The following DLG2 variants were observed in gnomAD, a reference collection of about 807,000 sequenced individuals.
The protein encoded by DLG2 is discs large MAGUK scaffold protein 2.
In DLG2, 45 loss-of-function variants were observed where a neutral mutation model predicts 132.5. That is an observed-to-expected ratio of 0.34 (90% confidence interval 0.27 to 0.44). The LOEUF (loss-of-function observed/expected upper bound fraction) is 0.44. Among genes scored for constraint, DLG2 ranks in the 20% least tolerant of loss-of-function variants. The probability of loss-of-function intolerance (pLI) is 1.00; values close to 1 mark genes in which losing one functional copy is unlikely to be tolerated. For synonymous variants in DLG2, 424 were observed against 419.6 expected (o/e 1.01, Z -0.13); for missense variants, 1,045 against 1,196.9 (o/e 0.87, Z 1.87).
chr11:83,989,966 C>T (rs769522585), intron 11 of DLG2, among the ~76,000 whole-genome samples: 5 of 152,126 alleles, frequency 3.3e-5, no homozygotes, highest in Non-Finnish European at 5.9e-5. Context: ...TGGACCATCA[C>T]ATGATGACAA....
At chr11:84,811,057 G>C (rs1478006426) in intron 6 of DLG2, among the ~76,000 whole-genome samples, 1 of 152,014 alleles carries the variant, frequency 6.6e-6, no homozygotes, top group Non-Finnish European at 1.5e-5. Flanking sequence ...ATTACCATTG[G>C]GGGAAACAGG....
At chr11:84,800,851 C>T (rs975268998) in intron 6 of DLG2, 2 of 152,100 alleles carry the variant, frequency 1.3e-5, no homozygotes, top group Non-Finnish European at 2.9e-5. Flanking sequence ...TACAGTTTTA[C>T]AAGTTTAATG....
chr11:84,100,531 G>A (rs755676872), intron 9 of DLG2, among the ~76,000 whole-genome samples: 44 of 151,612 alleles, frequency 2.9e-4, no homozygotes, highest in Non-Finnish European at 5.6e-4. Context: ...TGTATAGCTA[G>A]GCAGTCTTTA....
intron 18 of DLG2, among the ~76,000 whole-genome samples, chr11:83,668,447 T>C (rs1417643816): frequency 6.6e-6 from 1 of 152,178 alleles, no homozygotes; most frequent in Non-Finnish European, 1.5e-5. Context: ...GGGATAGCCT[T>C]GGTTCTTTAA....
chr11:85,439,313 T>C (rs2091653021), intron 3 of DLG2, among the ~76,000 whole-genome samples: 2 of 152,118 alleles, frequency 1.3e-5, no homozygotes, highest in African/African-American at 4.8e-5. Flanking sequence ...CCAGGTGAAC[T>C]TAGGCAAGCT....
At chr11:84,477,366 A>T (rs1259727950) in intron 7 of DLG2, among the ~76,000 whole-genome samples, 1 of 151,962 alleles carries the variant, frequency 6.6e-6, no homozygotes, top group Non-Finnish European at 1.5e-5. Context: ...ATGGTGGTAC[A>T]TGCCTGTAAT....
At chr11:84,211,763 A>G (rs1489255196) in intron 8 of DLG2, among the ~76,000 whole-genome samples, 1 of 152,234 alleles carries the variant, frequency 6.6e-6, no homozygotes, top group Non-Finnish European at 1.5e-5. Context: ...CTCAGTCTAT[A>G]GGATCAGATT....
chr11:83,726,947 T>C (rs78314428), intron 18 of DLG2, among the ~76,000 whole-genome samples: 11,680 of 152,166 alleles, frequency 0.077, 1,546 homozygotes, highest in African/African-American at 0.26. Context: ...GTCTTACCTC[T>C]TCCCAATCAC....
In DLG2 at chr11:85,020,739, G is replaced by T. The variant is rs992909642; in HGVS notation, c.357+90922C>A. 7.8e-6 allele frequency: 5 copies of T among 638,134 alleles called. No individual in the cohort carries two copies. The African/African-American group carries it at 9.0e-5, about 11-fold the overall frequency. The allele number at this position is 638,134 out of a possible 1,614,324, so 39.5% of individuals were successfully genotyped here. On this transcript the variant is annotated intron_variant, in intron 6 of 27. Coordinates refer to ENST00000376104, the MANE Select transcript of DLG2 (RefSeq NM_001142699.3). ...AGCCATATGTGGAAAGCTGAAACTGGATAATGGGATAAGATTTCTAAACCC... is the reference window on the plus strand; with the variant it reads ...AGCCATATGTGGAAAGCTGAAACTGTATAATGGGATAAGATTTCTAAACCC...
chr11:84,877,690 C>T (rs991317026), intron 6 of DLG2, among the ~76,000 whole-genome samples: 13 of 151,624 alleles, frequency 8.6e-5, no homozygotes, highest in Non-Finnish European at 1.6e-4. Context: ...GCATTTAGCC[C>T]GTTTATATTT....
chr11:85,355,083 G>T (rs569548513), intron 3 of DLG2, among the ~76,000 whole-genome samples: 1 of 151,904 alleles, frequency 6.6e-6, no homozygotes. Context: ...TAATAAATCA[G>T]GCTTTAATGT....
At chr11:85,228,028 C>T (rs1016627303) in intron 4 of DLG2, among the ~76,000 whole-genome samples, 3 of 152,036 alleles carry the variant, frequency 2.0e-5, no homozygotes, top group African/African-American at 7.2e-5. Flanking sequence ...CTTTACTACT[C>T]CTCAATGAGA....
At chr11:84,836,737 C>G in intron 6 of DLG2, among the ~76,000 whole-genome samples, 1 of 151,764 alleles carries the variant, frequency 6.6e-6, no homozygotes, top group East Asian at 1.9e-4. Context: ...TTTCTAACAA[C>G]CTATAATGTT....
intron 6 of DLG2, among the ~76,000 whole-genome samples, chr11:85,049,854 G>A (rs1229198858): frequency 6.6e-6 from 1 of 152,004 alleles, no homozygotes; most frequent in Non-Finnish European, 1.5e-5. Flanking sequence ...GGAAAATATA[G>A]TTAGAAGAAA....
chr11:84,556,147 A>T (rs2099411573), intron 6 of DLG2, among the ~76,000 whole-genome samples: 1 of 152,160 alleles, frequency 6.6e-6, no homozygotes, highest in African/African-American at 2.4e-5. Context: ...ATTTTGTAAC[A>T]CTTGGTGACT....
chr11:85,060,420 T>C (rs780334467), intron 6 of DLG2, among the ~76,000 whole-genome samples: 9 of 149,460 alleles, frequency 6.0e-5, no homozygotes, highest in Non-Finnish European at 1.2e-4. Context: ...TATGTGTGTG[T>C]ATATATATGT....
intron 4 of DLG2, among the ~76,000 whole-genome samples, chr11:85,224,933 T>C (rs1305001709): frequency 6.6e-6 from 1 of 152,200 alleles, no homozygotes; most frequent in Non-Finnish European, 1.5e-5. Context: ...CTTTTATTTT[T>C]CTTTATTTTA....
At chr11:84,645,722 C>T (rs547994776) in intron 6 of DLG2, among the ~76,000 whole-genome samples, 1 of 152,318 alleles carries the variant, frequency 6.6e-6, no homozygotes, top group South Asian at 2.1e-4. Flanking sequence ...CAGCCTCAGC[C>T]TCTCAAAGTG....
In DLG2 at chr11:85,202,729, C is replaced by G. The variant is rs183243648; in HGVS notation, c.187-48078G>C. On this transcript the variant is annotated intron_variant, in intron 4 of 27. Transcript: ENST00000376104. ...ACCACGATGTAACAAAAGTGAAAAT[C>G]AGCAAAAAGAAGAAATTTAGAAACT... is the stretch of plus-strand genomic sequence containing the variant. Among the ~76,000 whole-genome samples, 267 of 151,880 alleles carry G rather than the reference C, an allele frequency of 1.8e-3. 1 individual carries two copies. Among genetic ancestry groups the G allele is most frequent in the African/African-American group, 6.3e-3 (262 of 41,460 alleles).
Sources: allele counts gnomAD v4.1 joint callset (sites outside exome capture counted in the v4.1 genomes callset), GRCh38; gene constraint gnomAD v4.1.1; transcripts MANE v1.5; gene names NCBI Gene and HGNC (gene_info 2026-07-23, HGNC 2026-07-21).